Variants in CSRNP3 observed in about 807,000 individuals in gnomAD.
CSRNP3 encodes the protein cysteine and serine rich nuclear protein 3.
Under a neutral mutation model 48.0 loss-of-function variants are expected in CSRNP3, and 12 were observed. The observed-to-expected ratio is 0.25, with a 90% CI of 0.16 to 0.41. The LOEUF (loss-of-function observed/expected upper bound fraction) is 0.41. Ranked by LOEUF, CSRNP3 falls within the 10% of genes least tolerant of loss-of-function variation. CSRNP3 has a pLI of 1.00. For synonymous variants in CSRNP3, 263 were observed against 269.7 expected, an observed-to-expected ratio of 0.98 and a Z score of 0.24; for missense variants, 580 against 724.4, an observed-to-expected ratio of 0.80 and a Z score of 2.29.
At chr2:165,677,158 C>T (rs1477420315) in intron 6 of CSRNP3, among the ~76,000 whole-genome samples, 1 of 152,180 alleles carries the variant, frequency 6.6e-6, no homozygotes, top group Non-Finnish European at 1.5e-5. Flanking sequence ...CGAACTAGGT[C>T]AGGGGTTGGC....
intron 3 of CSRNP3, among the ~76,000 whole-genome samples, chr2:165,551,759 T>C (rs2105260447): frequency 6.6e-6 from 1 of 152,120 alleles, no homozygotes; most frequent in East Asian, 1.9e-4. Flanking sequence ...ACTCTGCTTC[T>C]TGTAGCAAAA....
At chr2:165,483,746 G>C (rs182198763) in intron 1 of CSRNP3, among the ~76,000 whole-genome samples, 1 of 152,288 alleles carries the variant, frequency 6.6e-6, no homozygotes, top group Non-Finnish European at 1.5e-5. Flanking sequence ...TGTTTTTGCT[G>C]TAACCTCATG....
intron 1 of CSRNP3, among the ~76,000 whole-genome samples, chr2:165,480,011 G>C (rs1190813528): frequency 6.6e-6 from 1 of 152,110 alleles, no homozygotes; most frequent in Non-Finnish European, 1.5e-5. Context: ...CTACTTCCAA[G>C]CTCATTCTTG....
At chr2:165,503,481 A>G (rs925819526) in intron 2 of CSRNP3, among the ~76,000 whole-genome samples, 2 of 151,890 alleles carry the variant, frequency 1.3e-5, no homozygotes, top group African/African-American at 4.8e-5. Context: ...ATCTCAGATG[A>G]GAGTTCTCAA....
intron 3 of CSRNP3, among the ~76,000 whole-genome samples, chr2:165,589,553 A>T (rs543449965): frequency 6.6e-6 from 1 of 152,324 alleles, no homozygotes; most frequent in South Asian, 2.1e-4. Context: ...TTAAATACTG[A>T]TCACACTCTT....
At chr2:165,476,980 G>A (rs1047337684) in intron 1 of CSRNP3, among the ~76,000 whole-genome samples, 2 of 152,086 alleles carry the variant, frequency 1.3e-5, no homozygotes, top group Non-Finnish European at 2.9e-5. Context: ...TTGCTTGCTA[G>A]TGGGTGAAAA....
At chr2:165,598,010 G>C (rs562980395) in intron 4 of CSRNP3, among the ~76,000 whole-genome samples, 1 of 152,102 alleles carries the variant, frequency 6.6e-6, no homozygotes, top group African/African-American at 2.4e-5. Flanking sequence ...AAAGCACTTC[G>C]GAAATACAAG....
At chr2:165,550,809 A>G (rs888902359) in intron 3 of CSRNP3, among the ~76,000 whole-genome samples, 22 of 152,110 alleles carry the variant, frequency 1.4e-4, no homozygotes, top group African/African-American at 5.3e-4. Flanking sequence ...TTGGGAGGCT[A>G]CCATCCCTCC....
At chr2:165,594,456 A>G (rs956692764) in intron 3 of CSRNP3, among the ~76,000 whole-genome samples, 18 of 152,326 alleles carry the variant, frequency 1.2e-4, no homozygotes, top group East Asian at 9.6e-4. Flanking sequence ...AATTATTGCT[A>G]TCTTCCAGGT....
intron 5 of CSRNP3, among the ~76,000 whole-genome samples, chr2:165,661,843 C>T (rs1687102652): frequency 6.6e-6 from 1 of 152,132 alleles, no homozygotes; most frequent in African/African-American, 2.4e-5. Flanking sequence ...CCAAACCCAT[C>T]ATTATGGAGA....
intron 4 of CSRNP3, among the ~76,000 whole-genome samples, chr2:165,630,938 A>C (rs1020642851): frequency 6.6e-6 from 1 of 152,210 alleles, no homozygotes; most frequent in African/African-American, 2.4e-5. Flanking sequence ...AGGGAGGCTA[A>C]TTATTTGTTA....
chr2:165,576,204 TAC>T (rs998214936), intron 3 of CSRNP3, among the ~76,000 whole-genome samples: 134 of 151,136 alleles, frequency 8.9e-4, no homozygotes, highest in African/African-American at 2.6e-3. Context: ...ATTATGTATA[TAC>T]ACACACACAC....
rs1687035509 is a variant in CSRNP3 at position 165,658,038 on chromosome 2, T to C, written c.408+18T>C. Reference sequence around the variant, plus strand: ...AACTAAAGGTAAAAAACAAACTCATTTTCTGCAAAGTCTCATATCCTTACA... The same window carrying C: ...AACTAAAGGTAAAAAACAAACTCATCTTCTGCAAAGTCTCATATCCTTACA... On this transcript the variant is annotated intron_variant, in intron 5 of 6. Coordinates refer to ENST00000651982, the MANE Select transcript of CSRNP3 (RefSeq NM_001172173.2). 1 of 1,601,332 alleles carries C rather than the reference T, an allele frequency of 6.2e-7. No individual in the cohort carries two copies. Among genetic ancestry groups the C allele is most frequent in the Non-Finnish European group, 8.5e-7 (1 of 1,171,878 alleles).
chr2:165,520,617 A>G (rs1282487781), intron 3 of CSRNP3, among the ~76,000 whole-genome samples: 1 of 151,456 alleles, frequency 6.6e-6, no homozygotes, highest in African/African-American at 2.4e-5. Context: ...TATCATCTAA[A>G]GGACATGTGT....
At chr2:165,545,017 C>T (rs1685005978) in intron 3 of CSRNP3, among the ~76,000 whole-genome samples, 1 of 152,068 alleles carries the variant, frequency 6.6e-6, no homozygotes. Flanking sequence ...GTAGTATGGG[C>T]CACAAATAAA....
chr2:165,667,451 T>TA (rs1355340843), intron 5 of CSRNP3, among the ~76,000 whole-genome samples: 8 of 151,702 alleles, frequency 5.3e-5, no homozygotes, highest in Non-Finnish European at 1.2e-4. Flanking sequence ...AGCTTTTTTT[T>TA]AAAAAAAATT....
At chr2:165,477,504 AATAT>A (rs35294627) in intron 1 of CSRNP3, among the ~76,000 whole-genome samples, 1 of 132,196 alleles carries the variant, frequency 7.6e-6, no homozygotes, top group Non-Finnish European at 1.6e-5. Context: ...ATATAATACA[AATAT>A]ATATATATAT....
In CSRNP3 at chr2:165,530,069, T is replaced by A. The variant is rs1377761908; in HGVS notation, c.-24+12108T>A. Among the ~76,000 whole-genome samples, 3 of 152,196 alleles carry A rather than the reference T, an allele frequency of 2.0e-5. 1 individual carries two copies. Among genetic ancestry groups the A allele is most frequent in the Non-Finnish European group, 2.9e-5 (2 of 68,018 alleles). ...TGTAGTTTGCCAAATGTAGCTAAAA[T>A]GCAACATTGTCATAGACTAGAAGAT... On this transcript the variant is annotated intron_variant, in intron 3 of 6. Coordinates refer to ENST00000651982, the MANE Select transcript of CSRNP3 (RefSeq NM_001172173.2).
At chr2:165,617,466 A>G (rs181971983) in intron 4 of CSRNP3, among the ~76,000 whole-genome samples, 1 of 152,234 alleles carries the variant, frequency 6.6e-6, no homozygotes, top group African/African-American at 2.4e-5. Flanking sequence ...CTTAGGCAGC[A>G]GTTGTTTGTG....
Sources: gnomAD v4.1 joint callset for allele counts (sites outside exome capture counted in the v4.1 genomes callset) on GRCh38, gnomAD v4.1.1 for gene constraint, MANE v1.5 for transcripts, NCBI Gene and HGNC (gene_info 2026-07-23, HGNC 2026-07-21) for gene names.